The following MATCAP1 variants were observed in gnomAD, a reference collection of about 807,000 sequenced individuals.
MATCAP1 encodes the protein microtubule associated tyrosine carboxypeptidase 1, also known as microtubule-associated tyrosine carboxypeptidase 1.
At chr16:67,180,097 T>A in the MATCAP1 span, 1 of 1,614,200 alleles carries the variant, frequency 6.2e-7, no homozygotes, top group Non-Finnish European at 8.5e-7. Flanking sequence ...GCCGTGGGCA[T>A]GGGCTCCTGG....
chr16:67,176,905 A>G, the MATCAP1 span: 1 of 1,609,692 alleles, frequency 6.2e-7, no homozygotes, highest in South Asian at 1.1e-5. This position sits in a 1 kb window ranked among gnomAD's most constrained non-coding sequence, Gnocchi z 4.3. Flanking sequence ...CAAGTCCTGC[A>G]TGAAGTGGGG....
At chr16:67,176,917 A>AC in the MATCAP1 span, 1 of 1,605,436 alleles carries the variant, frequency 6.2e-7, no homozygotes, top group East Asian at 2.3e-5. The surrounding 1 kb of genome is among the most constrained non-coding windows in gnomAD (Gnocchi z 4.3). Context: ...GAAGTGGGGC[A>AC]CCCGGGTATT....
At chr16:67,178,584 A>C in the MATCAP1 span, 1 of 1,293,934 alleles carries the variant, frequency 7.7e-7, no homozygotes, top group African/African-American at 1.5e-5. Context: ...GCCCTGTTCC[A>C]TCTGGCCGGG....
the MATCAP1 span, chr16:67,179,053 G>A: frequency 8.9e-7 from 1 of 1,124,612 alleles, no homozygotes; most frequent in Non-Finnish European, 1.1e-6. This position sits in a 1 kb window ranked among gnomAD's most constrained non-coding sequence, Gnocchi z 5.2. Flanking sequence ...CCATTCCCAG[G>A]ACCTGGCCTT....
At chr16:67,180,670 G>A in the MATCAP1 span, 1 of 1,306,248 alleles carries the variant, frequency 7.7e-7, no homozygotes, top group South Asian at 1.5e-5. Context: ...TCGACCTCTG[G>A]GGACACAGAA....
chr16:67,179,723 G>T, the MATCAP1 span: 1 of 1,563,542 alleles, frequency 6.4e-7, no homozygotes. The surrounding 1 kb of genome is among the most constrained non-coding windows in gnomAD (Gnocchi z 5.2). Flanking sequence ...GGCAGGGGCA[G>T]GGGTGGGTCA....
chr16:67,178,410 C>G, the MATCAP1 span: 1 of 1,543,688 alleles, frequency 6.5e-7, no homozygotes, highest in East Asian at 2.5e-5. Flanking sequence ...GGCCCTCCTC[C>G]GTGGGGTTCG....
At chr16:67,177,808 C>T in the MATCAP1 span, among the ~76,000 whole-genome samples, 2 of 152,224 alleles carry the variant, frequency 1.3e-5, no homozygotes, top group African/African-American at 4.8e-5. Flanking sequence ...GATGCAGTAT[C>T]TACATACACC....
At chr16:67,180,056 T>C in the MATCAP1 span, 1 of 1,614,150 alleles carries the variant, frequency 6.2e-7, no homozygotes, top group Non-Finnish European at 8.5e-7. Flanking sequence ...GGATGAACTG[T>C]CCAGAGGCCT....
the MATCAP1 span, chr16:67,178,087 C>T: frequency 6.2e-7 from 1 of 1,613,978 alleles, no homozygotes; most frequent in Non-Finnish European, 8.5e-7. Flanking sequence ...TCCAGGTACA[C>T]CTGGTCCTTG....
At chr16:67,180,378 C>T in the MATCAP1 span, 35 of 1,612,708 alleles carry the variant, frequency 2.2e-5, no homozygotes, top group Admixed American at 2.5e-4. Context: ...CTCACTGCGA[C>T]GCATGTGGCC....
At chr16:67,180,327 C>A in the MATCAP1 span, 1 of 1,612,176 alleles carries the variant, frequency 6.2e-7, no homozygotes, top group East Asian at 2.2e-5. Context: ...TCCCAGGGTG[C>A]CACGCCCCCG....
At chr16:67,177,296 A>C in the MATCAP1 span, among the ~76,000 whole-genome samples, 1 of 152,080 alleles carries the variant, frequency 6.6e-6, no homozygotes, top group Non-Finnish European at 1.5e-5. Flanking sequence ...GGATGGCCCC[A>C]TGTCCAAAAG....
At chr16:67,180,619 G>A in the MATCAP1 span, 1 of 1,506,824 alleles carries the variant, frequency 6.6e-7, no homozygotes, top group Admixed American at 2.3e-5. Flanking sequence ...ATTCTGTCCT[G>A]GGGGTCACAT....
the MATCAP1 span, chr16:67,180,270 C>T: frequency 9.9e-6 from 16 of 1,612,638 alleles, no homozygotes; most frequent in Admixed American, 1.7e-5. Context: ...GGCTGCAGGC[C>T]GCAGGGTGCC....
At chr16:67,180,132 T>C in the MATCAP1 span, 43 of 1,614,044 alleles carry the variant, frequency 2.7e-5, 2 homozygotes, top group South Asian at 4.6e-4. Context: ...ATTGTAGGTG[T>C]AATGGGACTG....
chr16:67,177,872 T>C, the MATCAP1 span: 1 of 704,552 alleles, frequency 1.4e-6, no homozygotes, highest in Non-Finnish European at 2.4e-6. Flanking sequence ...CATCTCCTGT[T>C]CTCACTTCCA....
the MATCAP1 span, among the ~76,000 whole-genome samples, chr16:67,182,830 A>C: frequency 6.6e-6 from 1 of 151,780 alleles, no homozygotes; most frequent in Non-Finnish European, 1.5e-5. Flanking sequence ...CCTCTCCACT[A>C]TCTCCCCTTC....
At chr16:67,176,730 G>T in the MATCAP1 span, 1 of 1,326,246 alleles carries the variant, frequency 7.5e-7, no homozygotes. This position sits in a 1 kb window ranked among gnomAD's most constrained non-coding sequence, Gnocchi z 4.3. Flanking sequence ...GGCCGTGGAC[G>T]CACAGAGCAA....
Sources: gnomAD v4.1 joint callset for allele counts (sites outside exome capture counted in the v4.1 genomes callset) on GRCh38, gnomAD v4.1.1 for gene constraint, Gnocchi (gnomAD v3.1) non-coding constraint, MANE v1.5 for transcripts, NCBI Gene and HGNC (gene_info 2026-07-23, HGNC 2026-07-21) for gene names.